The following RANGAP1 variants were observed in gnomAD, a reference collection of about 807,000 sequenced individuals.
RANGAP1 encodes the protein Ran GTPase activating protein 1.
In RANGAP1, 38 loss-of-function variants were observed where a neutral mutation model predicts 63.5. The observed-to-expected ratio is 0.60, with a 90% confidence interval of 0.46 to 0.78. The LOEUF is 0.78. RANGAP1 is among the 30% of genes least tolerant of loss of function. RANGAP1 has a pLI of 0.00. For missense variants in RANGAP1, 630 were observed against 740.3 expected (o/e 0.85, Z 1.73); for synonymous variants, 329 against 310.5 (o/e 1.06, Z -0.63).
chr22:41,287,910 CG>C (rs2035791164), upstream of RANGAP1, among the ~76,000 whole-genome samples: 1 of 151,730 alleles, frequency 6.6e-6, no homozygotes, highest in African/African-American at 2.4e-5. Flanking sequence ...CGCTTGAACC[CG>C]GGAGGCGGAG....
At chr22:41,276,294 A>G (rs568508556) in intron 2 of RANGAP1, among the ~76,000 whole-genome samples, 2 of 152,320 alleles carry the variant, frequency 1.3e-5, no homozygotes, top group African/African-American at 2.4e-5. Flanking sequence ...TGTTCTCAAT[A>G]TATCAGGTTA....
chr22:41,301,899 CT>C, the RANGAP1 span: 1 of 151,804 alleles, frequency 6.6e-6, no homozygotes, highest in Non-Finnish European at 1.5e-5. Flanking sequence ...GAAGAGAGCC[CT>C]TTCCAGGCCG....
intron 2 of RANGAP1, among the ~76,000 whole-genome samples, chr22:41,275,817 G>A (rs911616534): frequency 2.0e-5 from 3 of 151,880 alleles, no homozygotes; most frequent in African/African-American, 7.3e-5. Flanking sequence ...GTGGTGGCGT[G>A]CACCTGTAGT....
In RANGAP1 at chr22:41,246,545, C is replaced by A; in HGVS notation, c.*58G>T. 2 of 1,471,744 alleles carry A rather than the reference C, an allele frequency of 1.4e-6. No individual in the cohort carries two copies. Among genetic ancestry groups the A allele is most frequent in the South Asian group, 2.4e-5 (2 of 82,266 alleles). 91.2% of individuals were successfully genotyped at this position (1,471,744 alleles called of 1,614,324 possible). A position where few individuals can be genotyped will look rare whatever the true frequency, so the allele number is the denominator to read the frequency against. The stretch of plus-strand genomic sequence containing the variant: ...CAATGGCGTAGGCTGCGCCTCAGTT[C>A]ATCCGAGTCCCTCCCCAGCTCACTG... On this transcript the variant is annotated 3_prime_UTR_variant, in exon 16 of 16. Coordinates refer to ENST00000356244, the MANE Select transcript of RANGAP1 (RefSeq NM_002883.4).
rs911782084 is a variant in RANGAP1, at chr22:41,281,004, G to A, written c.41C>T (p.Ala14Val). Residue 14 changes from alanine to valine, a missense_variant, in exon 2 of 16, where the codon GCC becomes GTC. Ala to Val is a moderately conservative substitution (Grantham distance 64). This residue lies in a region of RANGAP1 where 65 missense variants were observed against 60.5 expected (regional missense o/e 1.07). Transcript: ENST00000356244. ...CTGTCCCCCGGCCACCTGAGTCTTG[G>A]CAAGTGTCTCTGCCAGCTTGGCAAT... ...EDIAKLAETL[A>V]KTQVAGGQLS... The A allele has an allele frequency of 2.5e-6, 4 of 1,612,364 alleles. No homozygotes were observed. Among genetic ancestry groups the A allele is most frequent in the African/African-American group, 2.7e-5 (2 of 74,892 alleles).
At chr22:41,254,635 C>A in intron 10 of RANGAP1, 141 bp from the exon 11 acceptor site, 1 of 1,481,920 alleles carries the variant, frequency 6.7e-7, no homozygotes. Context: ...GCTCCCAGGG[C>A]AGGGGCAGGT....
In RANGAP1 at chr22:41,286,178, G is replaced by C. The variant is rs1160534425; in HGVS notation, c.-231C>G. ...GCGCTTCCAGCACCACCTGCTCTCC[G>C]CACCGCGGCGGATGATGGCGGAGGA... On this transcript the variant is annotated 5_prime_UTR_variant, in exon 1 of 16. Transcript: ENST00000356244. The C allele has an allele frequency of 6.6e-6, 1 of 152,358 alleles. No homozygotes were observed. The highest frequency in any genetic ancestry group is 1.5e-5 in the Non-Finnish European group (1 of 68,136). 9.4% of individuals were successfully genotyped at this position (152,358 alleles called of 1,614,324 possible).
At chr22:41,250,873 A>C in intron 13 of RANGAP1, 134 bp downstream of exon 13, 1 of 689,442 alleles carries the variant, frequency 1.5e-6, no homozygotes, top group Non-Finnish European at 2.5e-6. Flanking sequence ...CTGACGGAGG[A>C]AAAACTCAGG....
At position 41,249,325 on chromosome 22, in the gene RANGAP1, C is replaced by A. The variant is rs754304258; in HGVS notation, c.1694+5G>T. On this transcript the variant is annotated splice_donor_5th_base_variant and intron_variant, in intron 15 of 15. Transcript: ENST00000356244. ...GCACCGGCAGAAGGACAAGGCCACA[C>A]TCACTTGGTCACGAACGCCAGCAGC... The A allele has an allele frequency of 6.3e-7, 1 of 1,595,480 alleles. No homozygotes were observed. The highest frequency in any genetic ancestry group is 8.5e-7 in the Non-Finnish European group (1 of 1,169,816).
chr22:41,285,244 A>C (rs1253074756), intron 1 of RANGAP1: 2 of 152,604 alleles, frequency 1.3e-5, no homozygotes, highest in Non-Finnish European at 2.9e-5. Context: ...GGACAATTTG[A>C]GGGTAAAAGG....
intron 3 of RANGAP1, among the ~76,000 whole-genome samples, chr22:41,270,252 T>TCA (rs552931270): frequency 3.8e-4 from 58 of 152,132 alleles, no homozygotes; most frequent in Non-Finnish European, 5.9e-4. Flanking sequence ...GTGATTCTCC[T>TCA]GTCTCAGTCT....
chr22:41,266,638 A>T (rs2034492632), intron 4 of RANGAP1, among the ~76,000 whole-genome samples: 2 of 152,164 alleles, frequency 1.3e-5, no homozygotes, highest in Admixed American at 1.3e-4. Context: ...GGTTCAAGTG[A>T]TTCTTCCGCC....
At chr22:41,274,245 G>T (rs1778431029) in intron 3 of RANGAP1, among the ~76,000 whole-genome samples, 1 of 152,206 alleles carries the variant, frequency 6.6e-6, no homozygotes, top group African/African-American at 2.4e-5. Context: ...ACTCCCAGAG[G>T]GTGGGTCTGT....
the RANGAP1 span, among the ~76,000 whole-genome samples, chr22:41,294,843 C>A: frequency 1.2e-3 from 39 of 32,258 alleles, 2 homozygotes; most frequent in South Asian, 0.02. Flanking sequence ...AAGTGAGGAG[C>A]GTCTCCGCCC....
In RANGAP1 at chr22:41,254,996, C is replaced by CA. The variant is rs1172441267; in HGVS notation, c.1074-503dup. ...CCCACAAAAAAACAAAAAAAAAAAA[C>CA]AAAAAAAAATCAGATCTTGTCCCTG... is the stretch of plus-strand genomic sequence containing the variant. On this transcript the variant is annotated intron_variant, in intron 10 of 15. Transcript: ENST00000356244. Among the ~76,000 whole-genome samples, 13 of 142,542 alleles carry CA rather than the reference C, an allele frequency of 9.1e-5. No homozygotes were observed. In the South Asian group the frequency reaches 1.1e-3, roughly 12 times the overall value. 93.5% of individuals were successfully genotyped at this position (142,542 alleles called of 152,430 possible).
chr22:41,293,546 G>A, the RANGAP1 span, among the ~76,000 whole-genome samples: 7 of 152,030 alleles, frequency 4.6e-5, no homozygotes, highest in South Asian at 2.1e-4. Context: ...TTGGGAGGCC[G>A]AGGTGGGCGG....
chr22:41,247,178 C>G (rs983673857), intron 15 of RANGAP1, among the ~76,000 whole-genome samples: 15 of 152,092 alleles, frequency 9.9e-5, no homozygotes, highest in Non-Finnish European at 1.8e-4. Flanking sequence ...GCCTCAGCCT[C>G]CCGAGTAGCT....
chr22:41,297,472 C>T, the RANGAP1 span, among the ~76,000 whole-genome samples: 1 of 151,670 alleles, frequency 6.6e-6, no homozygotes, highest in South Asian at 2.1e-4. Context: ...CAAGTGGACA[C>T]ATCATGAGCC....
intron 1 of RANGAP1, chr22:41,285,504 G>A (rs947189579): frequency 1.3e-5 from 13 of 985,334 alleles, no homozygotes; most frequent in African/African-American, 1.7e-5. Context: ...ACTTTCTGAG[G>A]TGAGATGCAT....
Sources: allele counts gnomAD v4.1 joint callset (sites outside exome capture counted in the v4.1 genomes callset), GRCh38; gene constraint gnomAD v4.1.1; regional missense constraint gnomAD v4.1.1; transcripts MANE v1.5; gene names NCBI Gene and HGNC (gene_info 2026-07-23, HGNC 2026-07-21).